Variants in ZNF236 observed in about 807,000 individuals in gnomAD.
ZNF236 encodes the protein zinc finger protein 236, also known as regulated by glucose.
Under a neutral mutation model 191.2 loss-of-function variants are expected in ZNF236, and 50 were observed. That is an observed-to-expected ratio of 0.26 (90% CI 0.21 to 0.33). The LOEUF (loss-of-function observed/expected upper bound fraction) is 0.33, where lower values mean the gene tolerates loss of function less well. ZNF236 is among the 10% of genes least tolerant of loss of function. ZNF236 has a pLI of 1.00. For synonymous variants in ZNF236, 907 were observed against 928.8 expected (o/e 0.98, Z 0.43); for missense variants, 1,754 against 2,374.5 (o/e 0.74, Z 5.43).
rs1410505222 is a variant in ZNF236, at chr18:76,970,415, C to T, written c.*2076C>T. The T allele has an allele frequency of 6.6e-6, 1 of 152,544 alleles. No homozygotes were observed. The highest frequency in any genetic ancestry group is 2.4e-5 in the African/African-American group (1 of 41,436). The allele number at this position is 152,544 out of a possible 1,614,324, so 9.4% of individuals were successfully genotyped here. A position where few individuals can be genotyped will look rare whatever the true frequency, so the allele number is the denominator to read the frequency against. ...AAATATCAATAATTCAATTTTGTGT[C>T]TTTTCTCAATTTATTAGCAAACACA... is the stretch of plus-strand genomic sequence containing the variant. On this transcript the variant is annotated 3_prime_UTR_variant, in exon 31 of 31. Coordinates refer to ENST00000320610, the MANE Select transcript of ZNF236 (RefSeq NM_001306089.2).
At chr18:76,921,679 A>G (rs1568231288) in intron 20 of ZNF236, among the ~76,000 whole-genome samples, 1 of 151,978 alleles carries the variant, frequency 6.6e-6, no homozygotes, top group East Asian at 1.9e-4. Context: ...CCAAGGCGAC[A>G]TAAAGTGCTA....
chr18:76,905,774 G>A (rs1388042133), intron 13 of ZNF236, among the ~76,000 whole-genome samples: 38 of 152,204 alleles, frequency 2.5e-4, no homozygotes, highest in Admixed American at 2.4e-3. Flanking sequence ...TAAAGACCCT[G>A]TGATTTCTAG....
chr18:76,822,904 G>A (rs1208678971), intron 1 of ZNF236, among the ~76,000 whole-genome samples: 2 of 147,880 alleles, frequency 1.4e-5, no homozygotes, highest in South Asian at 2.1e-4. Flanking sequence ...CCGGGCGGCG[G>A]CTGAGGCGGG....
At chr18:76,922,599 C>T (rs553130066) in intron 20 of ZNF236, among the ~76,000 whole-genome samples, 2 of 151,552 alleles carry the variant, frequency 1.3e-5, no homozygotes, top group Non-Finnish European at 1.5e-5. Context: ...CTTTGTCACC[C>T]AGGCTGGAGT....
intron 3 of ZNF236, among the ~76,000 whole-genome samples, chr18:76,853,017 T>C (rs901423725): frequency 2.6e-5 from 4 of 152,202 alleles, no homozygotes; most frequent in African/African-American, 9.6e-5. Flanking sequence ...TGTAATCCCA[T>C]TGTAAATCAG....
In ZNF236 at chr18:76,971,081, G is replaced by A. The variant is rs1968901998; in HGVS notation, c.*2742G>A. Among the ~76,000 whole-genome samples the A allele has an allele frequency of 6.6e-6, 1 of 152,244 alleles. No homozygotes were observed. The highest frequency in any genetic ancestry group is 1.5e-5 in the Non-Finnish European group (1 of 68,046). ...GCTTGTGTGCTCAAGTAACCATGAA[G>A]CACTGAAGCTGAAAGAATGAATTGC... On this transcript the variant is annotated 3_prime_UTR_variant, in exon 31 of 31. Transcript: ENST00000320610.
intron 11 of ZNF236, among the ~76,000 whole-genome samples, chr18:76,902,918 G>A (rs1307597783): frequency 1.3e-5 from 2 of 152,074 alleles, no homozygotes; most frequent in Non-Finnish European, 1.5e-5. Flanking sequence ...AGCAGGATGA[G>A]TTGTTAGGAA....
chr18:76,839,178 A>G (rs1975413639), intron 1 of ZNF236, among the ~76,000 whole-genome samples: 1 of 152,154 alleles, frequency 6.6e-6, no homozygotes, highest in Admixed American at 6.5e-5. Flanking sequence ...AAATTGTGCT[A>G]CTGTGAATGT....
intron 11 of ZNF236, among the ~76,000 whole-genome samples, chr18:76,901,146 T>C (rs1434717244): frequency 2.0e-5 from 3 of 152,110 alleles, no homozygotes; most frequent in Non-Finnish European, 2.9e-5. Flanking sequence ...ATACATATAA[T>C]GGAATTGGAG....
chr18:76,930,112 C>G lies in ZNF236; in HGVS notation c.4594+2006C>G, dbSNP rs142616286. On this transcript the variant is annotated intron_variant, in intron 25 of 30. Coordinates refer to ENST00000320610, the MANE Select transcript of ZNF236 (RefSeq NM_001306089.2). ...AAGGTATATAAAATTGGGAACCAAA[C>G]AAGTGACATCTGCATACTTTGGAGA... Among the ~76,000 whole-genome samples the G allele has an allele frequency of 9.4e-4, 143 of 152,310 alleles. 2 individuals are homozygous for G. The East Asian group carries it at 0.028, about 29-fold the overall frequency.
chr18:76,879,073 A>T (rs970495080), intron 7 of ZNF236, among the ~76,000 whole-genome samples: 1 of 152,172 alleles, frequency 6.6e-6, no homozygotes, highest in Non-Finnish European at 1.5e-5. Context: ...TTTGGTCTGA[A>T]TTTTTTTAAA....
Position 76,871,769 on chromosome 18 carries a change from G to A in ZNF236, c.611G>A (p.Cys204Tyr), listed in dbSNP as rs952683311. ...RSGFTYSCPH[C>Y]GKTFQKPSQL... ...GGATTCACGTATTCGTGTCCGCACT[G>A]TGGAAAGACGTTTCAAAAGCCAAGC... is the stretch of plus-strand genomic sequence containing the variant. Residue 204 changes from cysteine to tyrosine, a missense_variant, in exon 5 of 31, where the codon TGT (cysteine) becomes TAT (tyrosine). Cys to Tyr is a radical substitution (Grantham distance 194). Around this residue, in one of 5 missense-constraint regions of ZNF236, gnomAD observed 336 missense variants for 495.1 expected, o/e 0.68. Transcript: ENST00000320610. 1.2e-6 allele frequency: 2 copies of A among 1,614,112 alleles called. No individual in the cohort carries two copies. Among genetic ancestry groups the A allele is most frequent in the African/African-American group, 1.3e-5 (1 of 74,932 alleles).
intron 13 of ZNF236, among the ~76,000 whole-genome samples, chr18:76,907,476 G>A (rs1271166846): frequency 2.0e-5 from 3 of 152,146 alleles, no homozygotes; most frequent in Admixed American, 6.5e-5. Context: ...TTACAGGCGT[G>A]CACCCCTGCA....
intron 9 of ZNF236, chr18:76,888,614 T>G (rs1225499153): frequency 1.3e-5 from 2 of 152,692 alleles, no homozygotes; most frequent in African/African-American, 4.8e-5. Context: ...GGGCTAGAAC[T>G]TCTGTGTGTA....
intron 11 of ZNF236, among the ~76,000 whole-genome samples, chr18:76,900,643 CAT>C (rs1977563495): frequency 6.6e-6 from 1 of 152,148 alleles, no homozygotes; most frequent in African/African-American, 2.4e-5. Context: ...GCATACTACA[CAT>C]GTGAGTATTA....
chr18:76,843,174 G>A (rs1053224839), intron 1 of ZNF236, among the ~76,000 whole-genome samples: 1 of 152,146 alleles, frequency 6.6e-6, no homozygotes, highest in Non-Finnish European at 1.5e-5. Context: ...TAAATCTAAC[G>A]TAGGCAGTTT....
chr18:76,927,148 T>A lies in ZNF236; in HGVS notation c.4139T>A (p.Ile1380Asn). The A allele has an allele frequency of 6.2e-7, 1 of 1,614,112 alleles. No individual in the cohort carries two copies. Among genetic ancestry groups the A allele is most frequent in the Non-Finnish European group, 8.5e-7 (1 of 1,179,988 alleles). Reference protein sequence around the residue: ...LVGPNVQISGIDAASINNITL... With the variant: ...LVGPNVQISGNDAASINNITL... ...GGACCAAATGTACAGATTTCTGGAA[T>A]CGATGCTGCCAGCATTAATAACATT... Residue 1380 changes from isoleucine to asparagine, a missense_variant, in exon 23 of 31, where the codon ATC becomes AAC. Physicochemically the swap from Ile to Asn is moderately radical, Grantham distance 149. Transcript: ENST00000320610. The surrounding 1 kb of genome is among the most constrained non-coding windows in gnomAD (Gnocchi z 5.4).
chr18:76,960,871 C>CCGGGAGTG lies in ZNF236; in HGVS notation c.5419+19_5419+26dup. 1 of 1,602,728 alleles carries CCGGGAGTG rather than the reference C, an allele frequency of 6.2e-7. No individual in the cohort carries two copies. ...AGCTATGCTGGTGAGAATGCTGCACCCGGGAGTGCGTGCTGTTCGGTGGCC... is the reference window on the plus strand; with the variant it reads ...AGCTATGCTGGTGAGAATGCTGCACCCGGGAGTGCGGGAGTGCGTGCTGTTCGGTGGCC... On this transcript the variant is annotated intron_variant, in intron 30 of 30. Coordinates refer to ENST00000320610, the MANE Select transcript of ZNF236 (RefSeq NM_001306089.2). This position sits in a 1 kb window ranked among gnomAD's most constrained non-coding sequence, Gnocchi z 4.4.
At chr18:76,850,324 C>T (rs553383729) in intron 2 of ZNF236, among the ~76,000 whole-genome samples, 4 of 152,104 alleles carry the variant, frequency 2.6e-5, no homozygotes, top group Non-Finnish European at 4.4e-5. Context: ...AGGATGTGAC[C>T]ATCTCAGGCT....
Sources: allele counts gnomAD v4.1 joint callset (sites outside exome capture counted in the v4.1 genomes callset), GRCh38; gene constraint gnomAD v4.1.1; regional missense constraint gnomAD v4.1.1; non-coding constraint Gnocchi (gnomAD v3.1); transcripts MANE v1.5; gene names NCBI Gene and HGNC (gene_info 2026-07-23, HGNC 2026-07-21).